The following OLFM3 variants were observed in gnomAD, a reference collection of about 807,000 sequenced individuals.
OLFM3 encodes the protein noelin-3.
A neutral mutation model predicts 48.6 loss-of-function variants in OLFM3; 20 were observed. The ratio of observed to expected loss-of-function variants is 0.41; its 90% confidence interval spans 0.29 to 0.60. The LOEUF is 0.60. Among genes scored for constraint, OLFM3 ranks in the 20% least tolerant of loss-of-function variants. OLFM3 has a pLI of 0.28. For synonymous variants in OLFM3, 222 were observed against 198.1 expected (o/e 1.12, Z -1.01); for missense variants, 437 against 544.3 (o/e 0.80, Z 1.96).
At chr1:101,990,462 C>A (rs1000937298) in intron 1 of OLFM3, among the ~76,000 whole-genome samples, 2 of 152,068 alleles carry the variant, frequency 1.3e-5, no homozygotes, top group Non-Finnish European at 2.9e-5. Context: ...TATGTTTTCA[C>A]ATGTATTAAT....
intron 4 of OLFM3, among the ~76,000 whole-genome samples, chr1:101,817,417 G>A (rs1340674843): frequency 6.6e-6 from 1 of 152,096 alleles, no homozygotes; most frequent in East Asian, 1.9e-4. Flanking sequence ...CTTACCAAAT[G>A]CAGTAATTGA....
intron 1 of OLFM3, 137 bp from the exon 2 acceptor site, chr1:101,837,162 A>T: frequency 1.2e-6 from 1 of 838,066 alleles, no homozygotes; most frequent in East Asian, 2.7e-5. Context: ...TAGCAGAGAG[A>T]TATTAAACAA....
At chr1:101,987,512 C>T (rs967291856) in intron 1 of OLFM3, among the ~76,000 whole-genome samples, 4 of 152,076 alleles carry the variant, frequency 2.6e-5, no homozygotes, top group African/African-American at 7.2e-5. Context: ...ACAAAACTTA[C>T]GTACATGTAA....
At chr1:101,835,600 C>A (rs1479657774) in intron 2 of OLFM3, among the ~76,000 whole-genome samples, 1 of 152,198 alleles carries the variant, frequency 6.6e-6, no homozygotes, top group Admixed American at 6.5e-5. Context: ...CAGGCGTGAG[C>A]CAGCACACCT....
intron 1 of OLFM3, among the ~76,000 whole-genome samples, chr1:101,946,064 G>A (rs1020119097): frequency 7.9e-5 from 12 of 152,110 alleles, no homozygotes; most frequent in Non-Finnish European, 1.0e-4. Flanking sequence ...TGAGGTTAGC[G>A]TGTTCCTAGC....
intron 1 of OLFM3, among the ~76,000 whole-genome samples, chr1:101,848,083 A>G (rs996974645): frequency 1.3e-5 from 2 of 152,142 alleles, no homozygotes; most frequent in Non-Finnish European, 2.9e-5. Context: ...TAACTTTATT[A>G]TATTGTTTTC....
intron 4 of OLFM3, among the ~76,000 whole-genome samples, chr1:101,823,654 T>C (rs1318217902): frequency 6.6e-6 from 1 of 152,004 alleles, no homozygotes; most frequent in African/African-American, 2.4e-5. Flanking sequence ...TAATTTCAGA[T>C]TGATACTTCA....
intron 4 of OLFM3, among the ~76,000 whole-genome samples, chr1:101,824,225 C>G (rs1654738612): frequency 1.3e-5 from 2 of 152,092 alleles, no homozygotes; most frequent in South Asian, 4.1e-4. Flanking sequence ...TGTCATATCG[C>G]ATCATGTCAA....
At chr1:101,809,889 A>G (rs1455650382) in intron 4 of OLFM3, among the ~76,000 whole-genome samples, 1 of 151,948 alleles carries the variant, frequency 6.6e-6, no homozygotes, top group Non-Finnish European at 1.5e-5. Flanking sequence ...CAATATAAAC[A>G]TTGCTATAAT....
chr1:101,878,474 T>C (rs1366048504), intron 1 of OLFM3, among the ~76,000 whole-genome samples: 1 of 151,914 alleles, frequency 6.6e-6, no homozygotes, highest in African/African-American at 2.4e-5. Flanking sequence ...TTTCATAAGC[T>C]GATAAATTTA....
chr1:101,885,537 CT>C (rs1407693459), intron 1 of OLFM3, among the ~76,000 whole-genome samples: 10 of 152,078 alleles, frequency 6.6e-5, no homozygotes, highest in Non-Finnish European at 1.3e-4. Context: ...TCCTTCACCT[CT>C]TCTGCCTCTG....
chr1:101,899,742 T>A (rs1999795), intron 1 of OLFM3, among the ~76,000 whole-genome samples: 1 of 151,978 alleles, frequency 6.6e-6, no homozygotes. Flanking sequence ...AATACAAAAC[T>A]GTTTGAACTT....
chr1:101,968,545 A>AT (rs1660689701), intron 1 of OLFM3, among the ~76,000 whole-genome samples: 1 of 150,412 alleles, frequency 6.6e-6, no homozygotes, highest in Non-Finnish European at 1.5e-5. Context: ...AAAAAAAAAA[A>AT]AAAAAAGGCA....
intron 1 of OLFM3, among the ~76,000 whole-genome samples, chr1:101,896,670 ATTTTTTTTTT>A (rs3079210): frequency 2.8e-5 from 3 of 105,704 alleles, no homozygotes; most frequent in Non-Finnish European, 5.7e-5. Context: ...GATTTTTTGT[ATTTTTTTTTT>A]TTTTTTTTTT....
intron 1 of OLFM3, among the ~76,000 whole-genome samples, chr1:101,961,587 T>C (rs1660468982): frequency 6.6e-6 from 1 of 152,140 alleles, no homozygotes; most frequent in Admixed American, 6.6e-5. Flanking sequence ...AAAGGACTTA[T>C]ATAATAAAAA....
chr1:101,867,561 G>A (rs1243190513), intron 1 of OLFM3, among the ~76,000 whole-genome samples: 3 of 152,072 alleles, frequency 2.0e-5, no homozygotes, highest in Non-Finnish European at 4.4e-5. Flanking sequence ...TGTTTTCTGA[G>A]GCAGGGTGAA....
At chr1:101,984,507 C>T (rs764068491) in intron 1 of OLFM3, among the ~76,000 whole-genome samples, 4 of 152,162 alleles carry the variant, frequency 2.6e-5, no homozygotes, top group African/African-American at 4.8e-5. Context: ...TAGCAATTCT[C>T]CTGCCTCAGC....
chr1:101,897,757 C>T (rs1021072333), intron 1 of OLFM3, among the ~76,000 whole-genome samples: 1 of 152,042 alleles, frequency 6.6e-6, no homozygotes, highest in African/African-American at 2.4e-5. Context: ...TTGATTTAAT[C>T]TGGGATACAT....
chr1:101,923,646 A>G (rs1470656634), intron 1 of OLFM3, among the ~76,000 whole-genome samples: 3 of 152,132 alleles, frequency 2.0e-5, no homozygotes, highest in African/African-American at 4.8e-5. Context: ...AGGTGACAAG[A>G]AAAATTGAGT....
Sources: gnomAD v4.1 joint callset for allele counts (sites outside exome capture counted in the v4.1 genomes callset) on GRCh38, gnomAD v4.1.1 for gene constraint, MANE v1.5 for transcripts, NCBI Gene and HGNC (gene_info 2026-07-23, HGNC 2026-07-21) for gene names.